Variants in ETHE1 observed in about 807,000 individuals in gnomAD.
The protein encoded by ETHE1 is persulfide dioxygenase ETHE1, mitochondrial.
ETHE1 carries 16 observed loss-of-function variants against 25.7 expected under a neutral mutation model. That is an observed-to-expected ratio of 0.62 (90% CI 0.42 to 0.95). ETHE1 has a LOEUF of 0.95. ETHE1 is among the 40% of genes least tolerant of loss of function. The pLI, the probability that ETHE1 is intolerant of heterozygous loss-of-function variation, is 0.00. For missense variants in ETHE1, 300 were observed against 333.6 expected (o/e 0.90, Z 0.79); for synonymous variants, 139 against 135.9 (o/e 1.02, Z -0.16).
intron 3 of ETHE1, among the ~76,000 whole-genome samples, chr19:43,521,047 C>T (rs977207691): frequency 6.6e-6 from 1 of 152,054 alleles, no homozygotes. Context: ...AAAAAGAAAA[C>T]TTGGGCCAGG....
At chr19:43,524,107 T>C (rs1972191735) in intron 3 of ETHE1, among the ~76,000 whole-genome samples, 1 of 151,788 alleles carries the variant, frequency 6.6e-6, no homozygotes, top group African/African-American at 2.4e-5. Flanking sequence ...TGGTGGCGCA[T>C]GCCTGTAATC....
chr19:43,506,824 G>C lies in ETHE1; in HGVS notation c.*26C>G. The C allele has an allele frequency of 6.2e-7, 1 of 1,609,476 alleles. No homozygotes were observed. The highest frequency in any genetic ancestry group is 2.2e-5 in the East Asian group (1 of 44,840). On this transcript the variant is annotated 3_prime_UTR_variant, in exon 7 of 7. Transcript: ENST00000292147. ...CCTCCCACCTAGTGCATTAATAGTGGATGGGAGCATCTGACAGAAGTGAGA... is the reference window on the plus strand; with the variant it reads ...CCTCCCACCTAGTGCATTAATAGTGCATGGGAGCATCTGACAGAAGTGAGA...
At chr19:43,509,463 C>T (rs1971862650) in intron 4 of ETHE1, among the ~76,000 whole-genome samples, 1 of 149,236 alleles carries the variant, frequency 6.7e-6, no homozygotes, top group Non-Finnish European at 1.5e-5. Flanking sequence ...CACCACTGCC[C>T]TCCAGCCTGG....
chr19:43,526,971 C>A, intron 1 of ETHE1, 126 bp downstream of exon 1: 1 of 1,530,272 alleles, frequency 6.5e-7, no homozygotes, highest in Non-Finnish European at 8.8e-7. Flanking sequence ...CCTAAACCTC[C>A]ACCCCGCTTT....
chr19:43,510,649 T>C (rs1182280160), intron 4 of ETHE1, among the ~76,000 whole-genome samples: 1 of 151,848 alleles, frequency 6.6e-6, no homozygotes, highest in Non-Finnish European at 1.5e-5. Flanking sequence ...TTTTTTTTTT[T>C]TTTTAGCTAT....
intron 1 of ETHE1, 46 bp from the exon 2 acceptor site, chr19:43,526,705 C>A: frequency 6.2e-7 from 1 of 1,611,770 alleles, no homozygotes; most frequent in Non-Finnish European, 8.5e-7. Context: ...GGACTTCCAC[C>A]CACTGGAGGC....
In ETHE1 at chr19:43,511,576, G is replaced by C; in HGVS notation, c.376-10C>G. 6.2e-7 allele frequency: 1 copy of C among 1,612,348 alleles called. No homozygotes were observed. The highest frequency in any genetic ancestry group is 8.5e-7 in the Non-Finnish European group (1 of 1,179,978). ...CCCTGGTCTCCAACGCCTGGCAGGGGTGGAAGAGTACAGAGATAGTCACCA... is the reference window on the plus strand; with the variant it reads ...CCCTGGTCTCCAACGCCTGGCAGGGCTGGAAGAGTACAGAGATAGTCACCA... On this transcript the variant is annotated splice_polypyrimidine_tract_variant and intron_variant, in intron 3 of 6. Transcript: ENST00000292147.
At chr19:43,523,059 C>A (rs1972167122) in intron 3 of ETHE1, among the ~76,000 whole-genome samples, 1 of 152,144 alleles carries the variant, frequency 6.6e-6, no homozygotes, top group Admixed American at 6.6e-5. Context: ...CTGTATAAGT[C>A]CTGTTTATAA....
chr19:43,506,958 C>T (rs1971783728), intron 6 of ETHE1, 56 bp from the exon 7 acceptor site: 1 of 1,566,176 alleles, frequency 6.4e-7, no homozygotes. Context: ...TTCCAGGCCC[C>T]ACTGGAGACC....
chr19:43,511,329 C>T (rs1971910231), intron 4 of ETHE1, 108 bp downstream of exon 4: 1 of 1,523,400 alleles, frequency 6.6e-7, no homozygotes, highest in African/African-American at 1.4e-5. Context: ...AATACTGAAG[C>T]CCCCTAAAAG....
At chr19:43,511,974 C>G (rs1047201056) in intron 3 of ETHE1, among the ~76,000 whole-genome samples, 1 of 152,066 alleles carries the variant, frequency 6.6e-6, no homozygotes, top group African/African-American at 2.4e-5. Context: ...ATAAGTCTCA[C>G]GAGATCTGAT....
At chr19:43,516,716 C>A (rs1158247493) in intron 3 of ETHE1, among the ~76,000 whole-genome samples, 1 of 148,318 alleles carries the variant, frequency 6.7e-6, no homozygotes, top group African/African-American at 2.5e-5. Context: ...ACCTCGGCCT[C>A]CTGGGTTGAA....
At chr19:43,527,063 C>T in intron 1 of ETHE1, 34 bp downstream of exon 1, 2 of 1,546,216 alleles carry the variant, frequency 1.3e-6, no homozygotes, top group South Asian at 1.2e-5. Flanking sequence ...CGCCTAGTGC[C>T]CAGCAGTCCC....
chr19:43,507,949 T>C lies in ETHE1; in HGVS notation c.707A>G (p.Gln236Arg), dbSNP rs754448418. 1.5e-5 allele frequency: 24 copies of C among 1,611,562 alleles called. No homozygotes were observed. The South Asian group carries it at 2.4e-4, about 16-fold the overall frequency. ...CCAGGTCCCCAGCTGCTCACCTATC[T>C]GCTGAGGTTTAGGCAAGTTCAGGTT... ...MGNLNLPKPQ[Q>R]IDFAVPANMR... Residue 236 changes from glutamine to arginine, a missense_variant, in exon 6 of 7, where the codon CAG (glutamine) becomes CGG (arginine). By Grantham distance (43) the Gln-to-Arg change is conservative. Transcript: ENST00000292147.
intron 3 of ETHE1, among the ~76,000 whole-genome samples, chr19:43,519,672 C>T (rs1443122007): frequency 1.3e-5 from 2 of 152,094 alleles, no homozygotes; most frequent in Non-Finnish European, 2.9e-5. Flanking sequence ...CTACACTGCC[C>T]CCTGGTGGCA....
At chr19:43,517,936 C>T (rs1488239536) in intron 3 of ETHE1, among the ~76,000 whole-genome samples, 1 of 142,096 alleles carries the variant, frequency 7.0e-6, no homozygotes, top group Non-Finnish European at 1.5e-5. Context: ...AGTGACAGAG[C>T]AACACTCCGT....
At chr19:43,515,863 A>G (rs1972009592) in intron 3 of ETHE1, among the ~76,000 whole-genome samples, 1 of 152,098 alleles carries the variant, frequency 6.6e-6, no homozygotes, top group Admixed American at 6.5e-5. Flanking sequence ...GGCGTGAGCC[A>G]CCGTGACCGG....
chr19:43,518,999 GTTTTTT>G (rs71169253), intron 3 of ETHE1, among the ~76,000 whole-genome samples: 233 of 90,882 alleles, frequency 2.6e-3, no homozygotes, highest in African/African-American at 9.3e-3. Flanking sequence ...ATTTGTGCTT[GTTTTTT>G]TTTTTTTTTT....
intron 5 of ETHE1, among the ~76,000 whole-genome samples, 192 bp from the exon 6 acceptor site, chr19:43,508,252 A>T (rs1202641596): frequency 1.3e-5 from 2 of 152,064 alleles, no homozygotes; most frequent in African/African-American, 2.4e-5. Flanking sequence ...CTCCACAAGT[A>T]AGGCCCAGGA....
Sources: gnomAD v4.1 joint callset for allele counts (sites outside exome capture counted in the v4.1 genomes callset) on GRCh38, gnomAD v4.1.1 for gene constraint, MANE v1.5 for transcripts, NCBI Gene and HGNC (gene_info 2026-07-23, HGNC 2026-07-21) for gene names.